Variants in PCDHA12 observed in about 807,000 individuals in gnomAD.
PCDHA12 encodes the protein protocadherin alpha-12.
PCDHA12 carries 44 observed loss-of-function variants against 60.0 expected under a neutral mutation model. The observed-to-expected ratio is 0.73, with a 90% CI of 0.58 to 0.94. PCDHA12 has a LOEUF of 0.94. Among genes scored for constraint, PCDHA12 ranks in the 40% least tolerant of loss-of-function variants. PCDHA12 has a pLI of 0.00. For synonymous variants in PCDHA12, 569 were observed against 553.0 expected (o/e 1.03, Z -0.40); for missense variants, 1,276 against 1,239.7 (o/e 1.03, Z -0.44).
chr5:140,946,326 A>T (rs1554217498), intron 1 of PCDHA12, among the ~76,000 whole-genome samples: 1 of 151,914 alleles, frequency 6.6e-6, no homozygotes, highest in East Asian at 1.9e-4. Context: ...GAAAGAGGAA[A>T]GATAACAAGT....
chr5:140,884,692 G>A, intron 1 of PCDHA12: 7 of 1,528,834 alleles, frequency 4.6e-6, no homozygotes, highest in Non-Finnish European at 6.1e-6. Context: ...AATTGTCTTA[G>A]TAAACACTTT....
At chr5:140,987,452 A>C (rs1430622755) in intron 3 of PCDHA12, among the ~76,000 whole-genome samples, 2 of 152,076 alleles carry the variant, frequency 1.3e-5, no homozygotes, top group Non-Finnish European at 2.9e-5. Context: ...CCCGAGAGAT[A>C]ATTGTTAAGA....
chr5:140,938,215 G>C (rs1270663444), intron 1 of PCDHA12, among the ~76,000 whole-genome samples: 3 of 152,100 alleles, frequency 2.0e-5, no homozygotes, highest in Non-Finnish European at 4.4e-5. Context: ...CAAAGTGCTG[G>C]GATTACAGGC....
chr5:140,981,721 A>G (rs2096948672), intron 2 of PCDHA12, among the ~76,000 whole-genome samples: 1 of 151,112 alleles, frequency 6.6e-6, no homozygotes, highest in Non-Finnish European at 1.5e-5. Context: ...TTCATCCAAC[A>G]AATATTTGAG....
intron 1 of PCDHA12, among the ~76,000 whole-genome samples, chr5:140,923,882 G>A (rs1261780966): frequency 6.6e-6 from 1 of 152,192 alleles, no homozygotes; most frequent in Non-Finnish European, 1.5e-5. Context: ...AGAAGCGTGT[G>A]AAAGAGGAGG....
chr5:140,925,585 A>T (rs1450626568), intron 1 of PCDHA12, among the ~76,000 whole-genome samples: 1 of 151,748 alleles, frequency 6.6e-6, no homozygotes, highest in Non-Finnish European at 1.5e-5. Flanking sequence ...AACATGGCGC[A>T]TGTATACATA....
At chr5:140,960,557 G>A (rs2095556177) in intron 1 of PCDHA12, among the ~76,000 whole-genome samples, 1 of 152,104 alleles carries the variant, frequency 6.6e-6, no homozygotes. Context: ...TATAGACTGA[G>A]CTTAGGAAAA....
Position 141,011,329 on chromosome 5 carries a change from T to G in PCDHA12, c.*1392T>G, listed in dbSNP as rs924246191. 6.5e-6 allele frequency: 1 copy of G among 153,804 alleles called. No homozygotes were observed. Among genetic ancestry groups the G allele is most frequent in the African/African-American group, 2.4e-5 (1 of 41,472 alleles). 9.5% of individuals were successfully genotyped at this position (153,804 alleles called of 1,614,324 possible). ...TTGCTAATCTTACTAACACCTATGA[T>G]GTTACCTGAAATCAATCTCCCATAT... is the stretch of plus-strand genomic sequence containing the variant. On this transcript the variant is annotated 3_prime_UTR_variant, in exon 4 of 4. Coordinates refer to ENST00000398631, the MANE Select transcript of PCDHA12 (RefSeq NM_018903.4).
rs782239316 is a variant in PCDHA12 at position 140,877,376 on chromosome 5, G to T, written c.1904G>T (p.Arg635Leu). 6.2e-6 allele frequency: 10 copies of T among 1,613,896 alleles called. No individual in the cohort carries two copies. The South Asian group carries it at 6.6e-5, about 11-fold the overall frequency. The change falls in exon 1 of 4, where the codon CGC becomes CTC. Residue 635 changes from arginine to leucine, a missense_variant. By Grantham distance (102) the Arg-to-Leu change is moderately radical. Transcript: ENST00000398631. The stretch of plus-strand genomic sequence containing the variant: ...TACACTGGCGAGATCAGCACGACAC[G>T]CATCCTGGATGAGGCGGACGCTCCG... ...GLYTGEISTT[R>L]ILDEADAPRH...
At chr5:140,881,361 C>T (rs990387338) in intron 1 of PCDHA12, 4 of 985,122 alleles carry the variant, frequency 4.1e-6, no homozygotes, top group Non-Finnish European at 2.4e-6. Context: ...GCGTGGCTTT[C>T]GTATGAATTG....
rs1007708043 is a variant in PCDHA12 at position 140,967,271 on chromosome 5, A to G, written c.2368-11678A>G. 3.1e-6 allele frequency: 5 copies of G among 1,613,338 alleles called. No individual in the cohort carries two copies. The South Asian group carries it at 5.5e-5, about 18-fold the overall frequency. On this transcript the variant is annotated intron_variant, in intron 1 of 3. Transcript: ENST00000398631. The stretch of plus-strand genomic sequence containing the variant: ...GGTGGCGCCTGGAGCGCGCTTTCAC[A>G]TAGAGAGTGCGCAGGACCCCGACGT...
chr5:140,887,258 T>G (rs934733001), intron 1 of PCDHA12, among the ~76,000 whole-genome samples: 4 of 151,924 alleles, frequency 2.6e-5, no homozygotes, highest in East Asian at 1.9e-4. Context: ...CACCACGCCC[T>G]GCTAATTTTT....
At chr5:140,994,004 C>T (rs1366489476) in intron 3 of PCDHA12, among the ~76,000 whole-genome samples, 3 of 152,186 alleles carry the variant, frequency 2.0e-5, no homozygotes, top group Non-Finnish European at 2.9e-5. Context: ...AGGCCAGGCT[C>T]TGTTCTAGGT....
intron 1 of PCDHA12, among the ~76,000 whole-genome samples, chr5:140,898,272 A>T (rs13177412): frequency 6.6e-6 from 1 of 152,110 alleles, no homozygotes; most frequent in Non-Finnish European, 1.5e-5. Flanking sequence ...CCCATGCCTA[A>T]GTTCTGAATG....
chr5:140,985,039 G>A lies in PCDHA12; in HGVS notation c.2515+2476G>A, dbSNP rs112093918. Among the ~76,000 whole-genome samples the A allele has an allele frequency of 5.2e-3, 789 of 152,178 alleles. 6 individuals carry two copies. Among genetic ancestry groups the A allele is most frequent in the African/African-American group, 0.018 (750 of 41,516 alleles). ...AGCAACCTCTGCCTCCTGGGTTCAA[G>A]TGATTCTCCTGCCTCAGCCTCCTGA... On this transcript the variant is annotated intron_variant, in intron 3 of 3. Transcript: ENST00000398631.
intron 1 of PCDHA12, among the ~76,000 whole-genome samples, chr5:140,878,611 T>A (rs1167613009): frequency 2.0e-5 from 3 of 152,236 alleles, no homozygotes; most frequent in Non-Finnish European, 4.4e-5. Context: ...TCTTCTAATG[T>A]GCATTTTACA....
intron 1 of PCDHA12, among the ~76,000 whole-genome samples, chr5:140,940,510 G>A (rs1477590604): frequency 4.0e-5 from 6 of 151,894 alleles, no homozygotes; most frequent in African/African-American, 9.7e-5. Context: ...TCGCTCAGGC[G>A]TGATCATAGC....
At chr5:140,998,130 A>C (rs1226238554) in intron 3 of PCDHA12, among the ~76,000 whole-genome samples, 1 of 152,206 alleles carries the variant, frequency 6.6e-6, no homozygotes, top group Non-Finnish European at 1.5e-5. Context: ...GAATCATAAT[A>C]GCTAACCTGT....
At chr5:140,944,718 G>A (rs1554216523) in intron 1 of PCDHA12, among the ~76,000 whole-genome samples, 1 of 152,088 alleles carries the variant, frequency 6.6e-6, no homozygotes, top group East Asian at 1.9e-4. Flanking sequence ...TTTTGCCTTT[G>A]AACACCTTAG....
Sources: allele counts gnomAD v4.1 joint callset (sites outside exome capture counted in the v4.1 genomes callset), GRCh38; gene constraint gnomAD v4.1.1; transcripts MANE v1.5; gene names NCBI Gene and HGNC (gene_info 2026-07-23, HGNC 2026-07-21).